Variants in SPTLC2 observed in about 807,000 individuals in gnomAD.
The protein encoded by SPTLC2 is serine palmitoyltransferase 2.
Under a neutral mutation model 62.0 loss-of-function variants are expected in SPTLC2, and 21 were observed. The observed-to-expected ratio is 0.34, with a 90% CI of 0.24 to 0.49. The LOEUF (loss-of-function observed/expected upper bound fraction) is 0.49, where lower values mean the gene tolerates loss of function less well. SPTLC2 is among the 20% of genes least tolerant of loss of function. The pLI, the probability that SPTLC2 is intolerant of heterozygous loss-of-function variation, is 0.99. For synonymous variants in SPTLC2, 261 were observed against 261.8 expected, an observed-to-expected ratio of 1.00 and a Z score of 0.03; for missense variants, 511 against 713.0, an observed-to-expected ratio of 0.72 and a Z score of 3.23.
rs28463433 is a variant in SPTLC2, at chr14:77,525,610, A to T, written c.1304-4029T>A. On this transcript the variant is annotated intron_variant, in intron 9 of 11. Transcript: ENST00000216484. ...GTCTCGAAAAAAAAAAAGAAAAATT[A>T]AAAAAATTTAAAAAGGAGGGCTGGG... Among the ~76,000 whole-genome samples the T allele has an allele frequency of 1.3e-4, 19 of 149,674 alleles. No individual in the cohort carries two copies. In the South Asian group the frequency reaches 1.5e-3, roughly 12 times the overall value.
intron 9 of SPTLC2, among the ~76,000 whole-genome samples, chr14:77,545,514 C>T (rs2079523337): frequency 6.6e-6 from 1 of 152,148 alleles, no homozygotes; most frequent in African/African-American, 2.4e-5. Context: ...GGTGATCCAC[C>T]CGCCTCAGCT....
rs1288697663 is a variant in SPTLC2 at position 77,509,454 on chromosome 14, A to C, written c.*2830T>G. 6.4e-6 allele frequency: 1 copy of C among 156,516 alleles called. No homozygotes were observed. Among genetic ancestry groups the C allele is most frequent in the Non-Finnish European group, 1.4e-5 (1 of 71,072 alleles). The allele number at this position is 156,516 out of a possible 1,614,324, so 9.7% of individuals were successfully genotyped here. A position where few individuals can be genotyped will look rare whatever the true frequency, so the allele number is the denominator to read the frequency against. On this transcript the variant is annotated 3_prime_UTR_variant, in exon 12 of 12. Coordinates refer to ENST00000216484, the MANE Select transcript of SPTLC2 (RefSeq NM_004863.4). ...CCTGAAATAGGTAACAGCAATGCTG[A>C]ATAAAAAGAGGAATGAGAAAAAGTG...
chr14:77,576,412 T>C (rs2079716030), intron 4 of SPTLC2, among the ~76,000 whole-genome samples: 1 of 152,240 alleles, frequency 6.6e-6, no homozygotes, highest in African/African-American at 2.4e-5. Context: ...TGTACCAGTA[T>C]GAAAGCAGAT....
chr14:77,528,550 G>T (rs1413346984), intron 9 of SPTLC2, among the ~76,000 whole-genome samples: 1 of 152,000 alleles, frequency 6.6e-6, no homozygotes, highest in African/African-American at 2.4e-5. Context: ...CTTCTTAAAG[G>T]TTATATTCTC....
chr14:77,563,632 G>A (rs2079626798), intron 5 of SPTLC2, among the ~76,000 whole-genome samples: 1 of 152,008 alleles, frequency 6.6e-6, no homozygotes, highest in Non-Finnish European at 1.5e-5. Context: ...CACCATGTTG[G>A]CCAGGCTGGT....
At chr14:77,566,255 G>A (rs1025294286) in intron 5 of SPTLC2, among the ~76,000 whole-genome samples, 2 of 152,130 alleles carry the variant, frequency 1.3e-5, no homozygotes, top group African/African-American at 4.8e-5. Flanking sequence ...TTATTCTTAA[G>A]CTTTATTAAA....
chr14:77,561,400 G>A (rs141123667), intron 6 of SPTLC2, among the ~76,000 whole-genome samples: 4 of 151,934 alleles, frequency 2.6e-5, no homozygotes, highest in Non-Finnish European at 5.9e-5. Flanking sequence ...AACTGAAGTC[G>A]GGAGTTCAAG....
intron 5 of SPTLC2, among the ~76,000 whole-genome samples, chr14:77,569,356 T>A (rs1400034580): frequency 2.6e-5 from 4 of 152,228 alleles, no homozygotes; most frequent in African/African-American, 9.6e-5. Flanking sequence ...TTAATGTTTA[T>A]CAACACAGGT....
At chr14:77,609,232 T>C (rs1324411183) in intron 1 of SPTLC2, among the ~76,000 whole-genome samples, 2 of 152,174 alleles carry the variant, frequency 1.3e-5, no homozygotes, top group African/African-American at 4.8e-5. Flanking sequence ...CTCAGAAGAA[T>C]TGGGAATTTG....
rs57174185 is a variant in SPTLC2 at position 77,586,078 on chromosome 14, C to CTTT, written c.328-6972_328-6970dup. On this transcript the variant is annotated intron_variant, in intron 2 of 11. Coordinates refer to ENST00000216484, the MANE Select transcript of SPTLC2 (RefSeq NM_004863.4). ...GAACGTGATAAATTTTTTCTTTTTT[C>CTTT]TTTTTTTTTTTTTTTGAGATGGAGT... is the stretch of plus-strand genomic sequence containing the variant. 6.5e-4 allele frequency among the ~76,000 whole-genome samples: 89 copies of CTTT among 137,448 alleles called. 3 individuals are homozygous for CTTT. Among genetic ancestry groups the CTTT allele is most frequent in the Non-Finnish European group, 9.3e-4 (60 of 64,584 alleles). 90.2% of individuals were successfully genotyped at this position (137,448 alleles called of 152,430 possible).
At chr14:77,598,415 T>C (rs2079859923) in intron 1 of SPTLC2, among the ~76,000 whole-genome samples, 1 of 152,178 alleles carries the variant, frequency 6.6e-6, no homozygotes, top group South Asian at 2.1e-4. Flanking sequence ...AAGTACTATA[T>C]TGGCCTACAG....
chr14:77,550,745 T>C (rs769493657), intron 9 of SPTLC2, among the ~76,000 whole-genome samples: 4 of 148,544 alleles, frequency 2.7e-5, no homozygotes, highest in Non-Finnish European at 1.5e-5. Context: ...CTACAAAAAA[T>C]ACAAAAAAAA....
chr14:77,558,628 T>TG (rs2079598246), intron 6 of SPTLC2, among the ~76,000 whole-genome samples: 1 of 149,446 alleles, frequency 6.7e-6, no homozygotes, highest in Non-Finnish European at 1.5e-5. Context: ...GTTTTTTTGT[T>TG]TTTTTTTTTT....
chr14:77,543,633 C>T (rs962839795), intron 9 of SPTLC2, among the ~76,000 whole-genome samples: 2 of 152,140 alleles, frequency 1.3e-5, no homozygotes, highest in African/African-American at 2.4e-5. Flanking sequence ...TATAAAAATA[C>T]AAGCAGCCCC....
chr14:77,519,071 C>T (rs1307208773), intron 10 of SPTLC2, among the ~76,000 whole-genome samples: 4 of 152,160 alleles, frequency 2.6e-5, no homozygotes, highest in Non-Finnish European at 5.9e-5. Flanking sequence ...TTGAGTCTCT[C>T]GCTTTGTCGC....
chr14:77,587,129 G>A (rs1259022545), intron 2 of SPTLC2, among the ~76,000 whole-genome samples: 1 of 152,122 alleles, frequency 6.6e-6, no homozygotes, highest in Non-Finnish European at 1.5e-5. Context: ...TCGGGAGGCT[G>A]AGGCAGAAGA....
intron 9 of SPTLC2, among the ~76,000 whole-genome samples, chr14:77,542,050 G>C (rs1190050369): frequency 1.4e-5 from 2 of 140,196 alleles, no homozygotes; most frequent in African/African-American, 5.5e-5. Flanking sequence ...GAGTGAGACA[G>C]ACTCTGTGTC....
At chr14:77,539,784 C>A (rs1052861348) in intron 9 of SPTLC2, among the ~76,000 whole-genome samples, 1 of 151,886 alleles carries the variant, frequency 6.6e-6, no homozygotes, top group Admixed American at 6.6e-5. Flanking sequence ...GCCACTGTGC[C>A]CAGCCGCTTA....
At chr14:77,554,820 T>C (rs1024716533) in intron 8 of SPTLC2, 3 of 178,156 alleles carry the variant, frequency 1.7e-5, no homozygotes, top group Non-Finnish European at 2.4e-5. Context: ...GGCAACTTCA[T>C]AGTTTAAAAA....
Sources: gnomAD v4.1 joint callset for allele counts (sites outside exome capture counted in the v4.1 genomes callset) on GRCh38, gnomAD v4.1.1 for gene constraint, MANE v1.5 for transcripts, NCBI Gene and HGNC (gene_info 2026-07-23, HGNC 2026-07-21) for gene names.